The following UBA6 variants were observed in gnomAD, a reference collection of about 807,000 sequenced individuals.
UBA6 encodes the protein ubiquitin like modifier activating enzyme 6.
Under a neutral mutation model 148.3 loss-of-function variants are expected in UBA6, and 87 were observed. The ratio of observed to expected loss-of-function variants is 0.59; its 90% CI spans 0.49 to 0.70. The LOEUF is 0.70. Ranked by LOEUF, UBA6 falls within the 30% of genes least tolerant of loss-of-function variation. The pLI is 0.00. For missense variants in UBA6, 1,186 were observed against 1,241.2 expected (o/e 0.96, Z 0.67); for synonymous variants, 376 against 401.0 (o/e 0.94, Z 0.75).
rs765967197 is a variant in UBA6, at chr4:67,644,659, GA to G, written c.1476+38del. On this transcript the variant is annotated intron_variant, in intron 17 of 32. Transcript: ENST00000322244. The stretch of plus-strand genomic sequence containing the variant: ...ATATAGCTGAAAAAGGGCAACAACA[GA>G]AATATAAACTTTTAACTCTCAAGAA... 5 of 1,192,642 alleles carry G rather than the reference GA, an allele frequency of 4.2e-6. No homozygotes were observed. In the South Asian group the frequency reaches 6.1e-5, roughly 15 times the overall value. 73.9% of individuals were successfully genotyped at this position (1,192,642 alleles called of 1,614,324 possible). A position where few individuals can be genotyped will look rare whatever the true frequency, so the allele number is the denominator to read the frequency against.
Position 67,616,384 on chromosome 4 carries a change from G to A in UBA6, c.*2613C>T, listed in dbSNP as rs946366637. ...TACTAATTATAAAATAAACATAGTTGCTTTTTTAATGTTCCATGAATATCA... is the reference window on the plus strand; with the variant it reads ...TACTAATTATAAAATAAACATAGTTACTTTTTTAATGTTCCATGAATATCA... On this transcript the variant is annotated 3_prime_UTR_variant, in exon 33 of 33. Coordinates refer to ENST00000322244, the MANE Select transcript of UBA6 (RefSeq NM_018227.6). 1.2e-5 allele frequency: 4 copies of A among 336,730 alleles called. No homozygotes were observed. In the Admixed American group the frequency reaches 1.9e-4, roughly 16 times the overall value. The allele number at this position is 336,730 out of a possible 1,614,324, so 20.9% of individuals were successfully genotyped here. A position where few individuals can be genotyped will look rare whatever the true frequency, so the allele number is the denominator to read the frequency against.
At chr4:67,620,054 C>A (rs536205420) in intron 32 of UBA6, among the ~76,000 whole-genome samples, 1 of 152,272 alleles carries the variant, frequency 6.6e-6, no homozygotes, top group East Asian at 1.9e-4. Flanking sequence ...GTAGCTCTTT[C>A]CATTTCACAA....
chr4:67,619,019 T>C lies in UBA6; in HGVS notation c.3137A>G (p.Tyr1046Cys). The C allele has an allele frequency of 1.9e-6, 3 of 1,614,012 alleles. No individual in the cohort carries two copies. The highest frequency in any genetic ancestry group is 2.5e-6 in the Non-Finnish European group (3 of 1,179,922). The change falls in exon 33 of 33, where the codon TAC becomes TGC. Residue 1046 changes from tyrosine to cysteine, a missense_variant. Tyr to Cys is a radical substitution (Grantham distance 194, BLOSUM62 -2). Transcript: ENST00000322244. ...GTATTAATCAGTGTCATGACTGAAG[T>C]AGTATCTTACTGGAGGTCCCGGCAA... Reference protein sequence around the residue: ...EDLPGPPVRYYFSHDTD With the variant: ...EDLPGPPVRYCFSHDTD
chr4:67,647,719 A>G (rs901512218), intron 14 of UBA6, among the ~76,000 whole-genome samples: 1 of 151,170 alleles, frequency 6.6e-6, no homozygotes. Flanking sequence ...ATGGTTATTT[A>G]TTTTATTATA....
intron 26 of UBA6, among the ~76,000 whole-genome samples, chr4:67,630,084 C>T (rs990823853): frequency 6.9e-6 from 1 of 144,908 alleles, no homozygotes; most frequent in Non-Finnish European, 1.6e-5. Context: ...CACAAAATAA[C>T]AAACAAATGT....
chr4:67,636,593 A>C (rs770809999), intron 19 of UBA6, among the ~76,000 whole-genome samples: 42 of 152,310 alleles, frequency 2.8e-4, no homozygotes, highest in Non-Finnish European at 5.0e-4. Context: ...GGGGTTTTGC[A>C]GTGTTGGCCG....
At chr4:67,670,437 A>G (rs768188276) in intron 8 of UBA6, 33 bp downstream of exon 8, 2 of 1,537,742 alleles carry the variant, frequency 1.3e-6, no homozygotes, top group Admixed American at 3.6e-5. Flanking sequence ...CTTTAACAAA[A>G]TTTATTTTAA....
intron 32 of UBA6, among the ~76,000 whole-genome samples, chr4:67,619,654 T>C (rs964868880): frequency 6.6e-6 from 1 of 152,242 alleles, no homozygotes; most frequent in African/African-American, 2.4e-5. Context: ...CTAAACTTCC[T>C]CTTAAGTTTG....
At chr4:67,626,271 G>C (rs955856266) in intron 28 of UBA6, 89 bp downstream of exon 28, 4 of 758,490 alleles carry the variant, frequency 5.3e-6, no homozygotes, top group Non-Finnish European at 6.9e-6. Flanking sequence ...TTATTGTTGT[G>C]ATTAAATTCC....
intron 13 of UBA6, among the ~76,000 whole-genome samples, chr4:67,650,017 G>A (rs1330720685): frequency 6.6e-6 from 1 of 152,042 alleles, no homozygotes; most frequent in African/African-American, 2.4e-5. Context: ...GACACAAAAT[G>A]GTTACTACTT....
chr4:67,642,357 G>A (rs754040773), intron 17 of UBA6, among the ~76,000 whole-genome samples: 1 of 151,930 alleles, frequency 6.6e-6, no homozygotes, highest in African/African-American at 2.4e-5. Context: ...CCTGAAAACC[G>A]AGAATATCTA....
In UBA6 at chr4:67,646,757, AGTG is replaced by A; in HGVS notation, c.1280_1282del (p.Ser427del). On this transcript the variant is annotated inframe_deletion, in exon 15 of 33. Transcript: ENST00000322244. The stretch of plus-strand genomic sequence containing the variant: ...AAATTCTTCACATTCAGGTTTGCCT[AGTG>A]ATTCAACAATATCTGCTGCTTCAAG... 6.2e-7 allele frequency: 1 copy of A among 1,606,542 alleles called. No homozygotes were observed. The highest frequency in any genetic ancestry group is 2.3e-5 in the East Asian group (1 of 44,320).
intron 13 of UBA6, chr4:67,661,810 T>C: frequency 3.9e-6 from 1 of 254,370 alleles, no homozygotes; most frequent in Non-Finnish European, 7.3e-6. Flanking sequence ...GAGATATGAA[T>C]GTATAATATA....
chr4:67,660,763 A>G (rs756898962), intron 13 of UBA6, among the ~76,000 whole-genome samples: 1 of 152,190 alleles, frequency 6.6e-6, no homozygotes, highest in Non-Finnish European at 1.5e-5. Flanking sequence ...TGGTAGATCC[A>G]ACGAAAGCTT....
chr4:67,687,330 G>C (rs925280562), intron 2 of UBA6, among the ~76,000 whole-genome samples: 18 of 151,850 alleles, frequency 1.2e-4, no homozygotes, highest in African/African-American at 4.1e-4. Context: ...CACTGCACCC[G>C]ACCAATATTA....
intron 11 of UBA6, 56 bp downstream of exon 11, chr4:67,663,829 C>T (rs747709926): frequency 6.9e-7 from 1 of 1,439,960 alleles, no homozygotes; most frequent in Non-Finnish European, 9.8e-7. Context: ...TAATCACTCA[C>T]TAATTCTCAT....
At chr4:67,663,498 T>C (rs1729914739) in intron 11 of UBA6, 2 of 357,276 alleles carry the variant, frequency 5.6e-6, no homozygotes, top group East Asian at 4.5e-5. Flanking sequence ...CAAAATTACA[T>C]CCATTTTAAA....
At chr4:67,619,240 C>T (rs1034834175) in intron 32 of UBA6, 108 bp from the exon 33 acceptor site, 2 of 756,420 alleles carry the variant, frequency 2.6e-6, no homozygotes, top group East Asian at 2.6e-5. Flanking sequence ...TAGACTTTAA[C>T]ATCTAATAAT....
At chr4:67,629,700 C>T (rs954894130) in intron 26 of UBA6, among the ~76,000 whole-genome samples, 1 of 151,968 alleles carries the variant, frequency 6.6e-6, no homozygotes, top group Non-Finnish European at 1.5e-5. Flanking sequence ...ACCACACTCA[C>T]CACTAAATTA....
Sources: gnomAD v4.1 joint callset for allele counts (sites outside exome capture counted in the v4.1 genomes callset) on GRCh38, gnomAD v4.1.1 for gene constraint, MANE v1.5 for transcripts, NCBI Gene and HGNC (gene_info 2026-07-23, HGNC 2026-07-21) for gene names.